Variants in PYROXD1 observed in about 807,000 individuals in gnomAD.
The protein encoded by PYROXD1 is tRNA ligase complex-associated NAD(P)H dehydrogenase PYROXD1.
A neutral mutation model predicts 62.0 loss-of-function variants in PYROXD1; 42 were observed. The ratio of observed to expected loss-of-function variants is 0.68; its 90% CI spans 0.53 to 0.88. The LOEUF is 0.88. Ranked by LOEUF, PYROXD1 falls within the 40% of genes least tolerant of loss-of-function variation. PYROXD1 has a pLI of 0.00. For missense variants in PYROXD1, 493 were observed against 604.8 expected (o/e 0.82, Z 1.94); for synonymous variants, 170 against 206.4 (o/e 0.82, Z 1.51).
Position 21,470,810 on chromosome 12 carries a change from C to T in PYROXD1, c.*2056C>T. On this transcript the variant is annotated 3_prime_UTR_variant, in exon 12 of 12. Transcript: ENST00000240651. The stretch of plus-strand genomic sequence containing the variant: ...CTAAATTCTTTCACTTACATCTTTA[C>T]AGAAAACTATATTTTCTCTCTTCCA... 2.1e-6 allele frequency: 1 copy of T among 475,822 alleles called. No homozygotes were observed. The highest frequency in any genetic ancestry group is 8.1e-5 in the South Asian group (1 of 12,422). The allele number at this position is 475,822 out of a possible 1,614,324, so 29.5% of individuals were successfully genotyped here.
chr12:21,462,692 T>G, intron 9 of PYROXD1, 48 bp from the exon 10 acceptor site: 1 of 1,596,844 alleles, frequency 6.3e-7, no homozygotes, highest in Non-Finnish European at 8.5e-7. Context: ...ATGGAAAAAG[T>G]CGTTTCATTT....
intron 2 of PYROXD1, among the ~76,000 whole-genome samples, chr12:21,443,966 G>C (rs1432933633): frequency 6.6e-6 from 1 of 152,170 alleles, no homozygotes; most frequent in Non-Finnish European, 1.5e-5. Context: ...GACAAGCTAA[G>C]ACTGTATACA....
intron 10 of PYROXD1, among the ~76,000 whole-genome samples, chr12:21,465,577 G>C (rs1470578334): frequency 6.6e-6 from 1 of 151,850 alleles, no homozygotes; most frequent in African/African-American, 2.4e-5. Flanking sequence ...CCATTTGTCG[G>C]ACGAGTAGGT....
chr12:21,437,868 C>G (rs1942220651), intron 1 of PYROXD1, 54 bp downstream of exon 1: 26 of 1,456,918 alleles, frequency 1.8e-5, no homozygotes, highest in Non-Finnish European at 2.4e-5. Flanking sequence ...AAGGGGATAG[C>G]ACTGGAGGCC....
chr12:21,458,935 A>G (rs1942646823), intron 7 of PYROXD1, among the ~76,000 whole-genome samples: 1 of 152,254 alleles, frequency 6.6e-6, no homozygotes, highest in Non-Finnish European at 1.5e-5. Context: ...TATTGGAAAA[A>G]TGGCACTGAT....
Position 21,455,274 on chromosome 12 carries a change from A to G in PYROXD1, c.631A>G (p.Thr211Ala), listed in dbSNP as rs201374524. 189 of 1,561,732 alleles carry G rather than the reference A, an allele frequency of 1.2e-4. No homozygotes were observed. The highest frequency in any genetic ancestry group is 1.6e-4 in the Non-Finnish European group (185 of 1,154,948). The change falls in exon 6 of 12, where the codon ACC (threonine) becomes GCC (alanine). Residue 211 changes from threonine to alanine, a missense_variant. By Grantham distance (58) the Thr-to-Ala change is moderately conservative. This residue lies in a region of PYROXD1 where 329 missense variants were observed against 446.6 expected (regional missense o/e 0.74). Coordinates refer to ENST00000240651, the MANE Select transcript of PYROXD1 (RefSeq NM_024854.5). ...AGAGGCTAAAATTGCACATAAAAGAACCAGATATACAACTGAAGGTAAGTG... is the reference window on the plus strand; with the variant it reads ...AGAGGCTAAAATTGCACATAAAAGAGCCAGATATACAACTGAAGGTAAGTG... ...KSEAKIAHKR[T>A]RYTTEGRKKE... is the part of the protein sequence containing the mutation.
At chr12:21,451,570 T>C (rs1470510031) in intron 4 of PYROXD1, among the ~76,000 whole-genome samples, 1 of 152,142 alleles carries the variant, frequency 6.6e-6, no homozygotes, top group African/African-American at 2.4e-5. Context: ...CCATTTATAG[T>C]TGAAGGACCT....
rs548990131 is a variant in PYROXD1 at position 21,470,007 on chromosome 12, A to G, written c.*1253A>G. ...CCCTTGTTTTATACTGGAAAATTAT[A>G]TAATTCATGATCTCTAATTTTCAAA... On this transcript the variant is annotated 3_prime_UTR_variant, in exon 12 of 12. Transcript: ENST00000240651. The G allele has an allele frequency of 2.3e-5, 17 of 723,980 alleles. No homozygotes were observed. The East Asian group carries it at 4.8e-4, about 21-fold the overall frequency. The allele number at this position is 723,980 out of a possible 1,614,324, so 44.8% of individuals were successfully genotyped here.
intron 10 of PYROXD1, among the ~76,000 whole-genome samples, chr12:21,465,665 G>A (rs1942779787): frequency 6.6e-6 from 1 of 151,988 alleles, no homozygotes; most frequent in Non-Finnish European, 1.5e-5. Flanking sequence ...AAGCTCTTTA[G>A]TGTAATTAGA....
At chr12:21,442,271 A>G (rs147829226) in intron 2 of PYROXD1, among the ~76,000 whole-genome samples, 16 of 152,292 alleles carry the variant, frequency 1.1e-4, no homozygotes, top group African/African-American at 3.8e-4. Context: ...GGGATCTGGG[A>G]CTGTAATGAT....
At chr12:21,443,795 G>C (rs1942339383) in intron 2 of PYROXD1, among the ~76,000 whole-genome samples, 2 of 152,070 alleles carry the variant, frequency 1.3e-5, no homozygotes. Context: ...ATAAGACCAA[G>C]GGTAGTTTAG....
chr12:21,453,957 G>A (rs923856390), intron 5 of PYROXD1, among the ~76,000 whole-genome samples: 3 of 151,804 alleles, frequency 2.0e-5, no homozygotes, highest in African/African-American at 7.3e-5. Flanking sequence ...TCCACTTTCC[G>A]CTGGTCAGTA....
At chr12:21,454,593 C>G (rs1033574382) in intron 5 of PYROXD1, among the ~76,000 whole-genome samples, 4 of 151,958 alleles carry the variant, frequency 2.6e-5, no homozygotes, top group Non-Finnish European at 4.4e-5. Flanking sequence ...TTCTTTCCTT[C>G]CTCTAAGATC....
In PYROXD1 at chr12:21,469,280, C is replaced by CTT. The variant is rs1942866931; in HGVS notation, c.*527_*528insTT. On this transcript the variant is annotated 3_prime_UTR_variant, in exon 12 of 12. Transcript: ENST00000240651. The stretch of plus-strand genomic sequence containing the variant: ...TGAAATCATCTACAAGCTTGTCCAA[C>CTT]TCTAGCCCACGGGTCTAATGCAGCC... 6.5e-6 allele frequency: 1 copy of CTT among 154,770 alleles called. No homozygotes were observed. The highest frequency in any genetic ancestry group is 2.4e-5 in the African/African-American group (1 of 41,414). The allele number at this position is 154,770 out of a possible 1,614,324, so 9.6% of individuals were successfully genotyped here. A position where few individuals can be genotyped will look rare whatever the true frequency, so the allele number is the denominator to read the frequency against.
At chr12:21,467,769 GTAT>G (rs1243513425) in intron 11 of PYROXD1, 151 bp downstream of exon 11, 3 of 595,928 alleles carry the variant, frequency 5.0e-6, no homozygotes, top group Non-Finnish European at 8.8e-6. Flanking sequence ...CCAATACCTG[GTAT>G]TATTGCTAGT....
At chr12:21,465,432 A>G (rs1321304135) in intron 10 of PYROXD1, among the ~76,000 whole-genome samples, 1 of 151,392 alleles carries the variant, frequency 6.6e-6, no homozygotes, top group Admixed American at 6.6e-5. Context: ...GATGATGAGC[A>G]TTTTTTCATT....
At position 21,440,403 on chromosome 12, in the gene PYROXD1, G is replaced by C; in HGVS notation, c.120G>C (p.Leu40Phe). ...ATHFPSEDIL[L>F]VTASPVIKAV... is the part of the protein sequence containing the mutation. ...ACTTTCCATCGGAAGATATTCTCTTGGTAACAGCTTCTCCTGTTATTAAAG... is the reference window on the plus strand; with the variant it reads ...ACTTTCCATCGGAAGATATTCTCTTCGTAACAGCTTCTCCTGTTATTAAAG... The change falls in exon 2 of 12, where the codon TTG (leucine) becomes TTC (phenylalanine). Residue 40 changes from leucine (L) to phenylalanine (F), a missense_variant. Around this residue, in one of 2 missense-constraint regions of PYROXD1, gnomAD observed 164 missense variants for 158.2 expected, o/e 1.04. Coordinates refer to ENST00000240651, the MANE Select transcript of PYROXD1 (RefSeq NM_024854.5). 2 of 1,596,878 alleles carry C rather than the reference G, an allele frequency of 1.3e-6. No individual in the cohort carries two copies. Among genetic ancestry groups the C allele is most frequent in the Non-Finnish European group, 8.5e-7 (1 of 1,171,520 alleles).
At chr12:21,449,324 G>T (rs1040734487) in intron 3 of PYROXD1, among the ~76,000 whole-genome samples, 1 of 151,338 alleles carries the variant, frequency 6.6e-6, no homozygotes, top group Admixed American at 6.6e-5. Flanking sequence ...AGAAAGACTA[G>T]TTTTCAGGAG....
chr12:21,442,900 T>C (rs975740244), intron 2 of PYROXD1, among the ~76,000 whole-genome samples: 3 of 152,216 alleles, frequency 2.0e-5, no homozygotes, highest in African/African-American at 2.4e-5. Flanking sequence ...AGGGTCATTA[T>C]TGATTCTTTT....
Sources: gnomAD v4.1 joint callset for allele counts (sites outside exome capture counted in the v4.1 genomes callset) on GRCh38, gnomAD v4.1.1 for gene constraint, gnomAD v4.1.1 regional missense constraint, MANE v1.5 for transcripts, NCBI Gene and HGNC (gene_info 2026-07-23, HGNC 2026-07-21) for gene names.